The following FUOM variants were observed in gnomAD, a reference collection of about 807,000 sequenced individuals.
FUOM encodes the protein fucose mutarotase.
In FUOM, 19 loss-of-function variants were observed where a neutral mutation model predicts 18.3. That is an observed-to-expected ratio of 1.04 (90% confidence interval 0.73 to 1.53). The LOEUF (loss-of-function observed/expected upper bound fraction) is 1.53. FUOM is among the 40% of genes most tolerant of loss of function. The probability of loss-of-function intolerance (pLI) is 0.00; values close to 1 mark genes in which losing one functional copy is unlikely to be tolerated. For synonymous variants in FUOM, 102 were observed against 87.9 expected, an observed-to-expected ratio of 1.16 and a Z score of -0.90; for missense variants, 210 against 200.9, an observed-to-expected ratio of 1.04 and a Z score of -0.27.
In FUOM at chr10:133,355,387, G is replaced by C; in HGVS notation, c.448C>G (p.Leu150Val). ...CACCAGGCCTACAGCAGGGGGTTGA[G>C]GGCAAGCACCCCCTTCCTGAGGATG... ...NLILRKGVLA[L>V]NPLL Residue 150 changes from leucine to valine, a missense_variant, in exon 6 of 6, where the codon CTC (leucine) becomes GTC (valine). Transcript: ENST00000278025. 1 of 1,607,548 alleles carries C rather than the reference G, an allele frequency of 6.2e-7. No individual in the cohort carries two copies. Among genetic ancestry groups the C allele is most frequent in the South Asian group, 1.1e-5 (1 of 90,384 alleles).
intron 4 of FUOM, among the ~76,000 whole-genome samples, chr10:133,356,375 G>T (rs922326050): frequency 2.0e-5 from 3 of 152,220 alleles, no homozygotes; most frequent in African/African-American, 7.2e-5. Flanking sequence ...GGCTGTGGTG[G>T]GTGACAACCC....
downstream of FUOM, among the ~76,000 whole-genome samples, chr10:133,354,631 A>T (rs1341023525): frequency 6.6e-6 from 1 of 152,032 alleles, no homozygotes; most frequent in African/African-American, 2.4e-5. Flanking sequence ...ATCCTTGGGG[A>T]CCAGTCCAAG....
chr10:133,355,559 T>G, intron 5 of FUOM, 123 bp from the exon 6 acceptor site: 1 of 1,609,624 alleles, frequency 6.2e-7, no homozygotes, highest in East Asian at 2.2e-5. Context: ...CTCAGGCAAA[T>G]GGGGGCCCTG....
chr10:133,355,431 G>C lies in FUOM; in HGVS notation c.404C>G (p.Thr135Arg), dbSNP rs184108406. The change falls in exon 6 of 6, where the codon ACG becomes AGG. Residue 135 changes from threonine (T) to arginine (R), a missense_variant. Physicochemically the swap from Thr to Arg is moderately conservative, Grantham distance 71. Coordinates refer to ENST00000278025, the MANE Select transcript of FUOM (RefSeq NM_001098483.3). ...GAGGATGAGGTTTCCGTAGAGGGCCGTCTCCCTGCAGAGGAGCCAAGCCCA... is the reference window on the plus strand; with the variant it reads ...GAGGATGAGGTTTCCGTAGAGGGCCCTCTCCCTGCAGAGGAGCCAAGCCCA... ...KAFAVVATGE[T>R]ALYGNLILRK... 6 of 1,609,930 alleles carry C rather than the reference G, an allele frequency of 3.7e-6. No individual in the cohort carries two copies. Among genetic ancestry groups the C allele is most frequent in the Non-Finnish European group, 5.1e-6 (6 of 1,179,008 alleles).
chr10:133,356,419 C>G (rs1848800145), intron 4 of FUOM, among the ~76,000 whole-genome samples: 1 of 152,200 alleles, frequency 6.6e-6, no homozygotes. Flanking sequence ...CGGGGCAGGG[C>G]AGGTGGAAAG....
chr10:133,355,650 G>A (rs1438973146), intron 5 of FUOM, 88 bp downstream of exon 5: 2 of 1,549,272 alleles, frequency 1.3e-6, no homozygotes, highest in Non-Finnish European at 8.9e-7. Context: ...AGAGGGTAGG[G>A]GCAGCTCCTG....
At chr10:133,354,462 ACCAGCC>A (rs569007124), downstream of FUOM, among the ~76,000 whole-genome samples, 254 of 152,192 alleles carry the variant, frequency 1.7e-3, 1 homozygote, top group South Asian at 2.9e-3. Context: ...CCCCGGGGAC[ACCAGCC>A]CCAGGCCCTG....
chr10:133,357,207 G>C lies in FUOM; in HGVS notation c.134C>G (p.Pro45Arg), dbSNP rs1269165290. ...CTCACCGTCTGCACGGATCTCCATG[G>C]GCCCACACTGGCAGATGGAGGAGGC... is the stretch of plus-strand genomic sequence containing the variant. ...FPASSICQCG[P>R]MEIRADGLGI... Residue 45 changes from proline (P) to arginine (R), a missense_variant, in exon 2 of 6, where the codon CCC becomes CGC. By Grantham distance (103) the Pro-to-Arg change is moderately radical. Coordinates refer to ENST00000278025, the MANE Select transcript of FUOM (RefSeq NM_001098483.3). 1 of 1,581,310 alleles carries C rather than the reference G, an allele frequency of 6.3e-7. No individual in the cohort carries two copies. The highest frequency in any genetic ancestry group is 8.6e-7 in the Non-Finnish European group (1 of 1,164,928).
Position 133,355,273 on chromosome 10 carries a change from G to C in FUOM, c.*97C>G. The stretch of plus-strand genomic sequence containing the variant: ...CCCTAGAGCCCTGGCCAGGGCCCAG[G>C]TCTGGGAGCTGCCACTGGGAGGCCT... On this transcript the variant is annotated 3_prime_UTR_variant, in exon 6 of 6. Transcript: ENST00000278025. The C allele has an allele frequency of 7.1e-7, 1 of 1,410,744 alleles. No individual in the cohort carries two copies. The highest frequency in any genetic ancestry group is 9.5e-7 in the Non-Finnish European group (1 of 1,050,558). 87.4% of individuals were successfully genotyped at this position (1,410,744 alleles called of 1,614,324 possible).
chr10:133,355,675 G>A, intron 5 of FUOM, 63 bp downstream of exon 5: 1 of 1,558,194 alleles, frequency 6.4e-7, no homozygotes, highest in East Asian at 2.2e-5. Context: ...CCCCCGGTGG[G>A]GATGGGGGCA....
downstream of FUOM, among the ~76,000 whole-genome samples, chr10:133,354,765 G>A (rs1161686976): frequency 6.6e-6 from 1 of 150,844 alleles, no homozygotes; most frequent in East Asian, 1.9e-4. Context: ...GGCAAGTGAG[G>A]CTTTCAGCGG....
Position 133,355,272 on chromosome 10 carries a change from G to A in FUOM, c.*98C>T. The A allele has an allele frequency of 7.1e-7, 1 of 1,413,506 alleles. No individual in the cohort carries two copies. The highest frequency in any genetic ancestry group is 9.5e-7 in the Non-Finnish European group (1 of 1,053,872). The allele number at this position is 1,413,506 out of a possible 1,614,324, so 87.6% of individuals were successfully genotyped here. ...CCCCTAGAGCCCTGGCCAGGGCCCA[G>A]GTCTGGGAGCTGCCACTGGGAGGCC... is the stretch of plus-strand genomic sequence containing the variant. On this transcript the variant is annotated 3_prime_UTR_variant, in exon 6 of 6. Coordinates refer to ENST00000278025, the MANE Select transcript of FUOM (RefSeq NM_001098483.3).
chr10:133,356,788 G>A, intron 3 of FUOM, 50 bp from the exon 4 acceptor site: 1 of 1,482,090 alleles, frequency 6.7e-7, no homozygotes, highest in Non-Finnish European at 9.1e-7. Context: ...AGCCTTCCTG[G>A]TCAGGTGACC....
Position 133,356,648 on chromosome 10 carries a change from C to A in FUOM, c.316G>T (p.Gly106Cys). Residue 106 changes from glycine (G) to cysteine (C), a missense_variant, in exon 4 of 6, where the codon GGC becomes TGC. Coordinates refer to ENST00000278025, the MANE Select transcript of FUOM (RefSeq NM_001098483.3). ...TEYESILRRA[G>C]CVRALAKIER... ...TGGGGCTGCAGGCTTACCACACAGC[C>A]GGCCCTGCGTAGGATGGACTCGTAC... 6.3e-7 allele frequency: 1 copy of A among 1,574,886 alleles called. No individual in the cohort carries two copies. The highest frequency in any genetic ancestry group is 1.8e-5 in the Admixed American group (1 of 55,362).
In FUOM at chr10:133,357,367, A is replaced by G. The variant is rs1202502848; in HGVS notation, c.86-112T>C. 4.5e-6 allele frequency: 5 copies of G among 1,102,972 alleles called. No homozygotes were observed. The African/African-American group carries it at 4.6e-5, about 10-fold the overall frequency. The allele number at this position is 1,102,972 out of a possible 1,614,324, so 68.3% of individuals were successfully genotyped here. On this transcript the variant is annotated intron_variant, in intron 1 of 5. Transcript: ENST00000278025. ...CAGATCGTGGGTCACAAGAGGTCTC[A>G]GGTCAGCCAGTTGGGCGCCCCCACC...
At chr10:133,354,233 C>T (rs1390495241), downstream of FUOM, among the ~76,000 whole-genome samples, 1 of 152,166 alleles carries the variant, frequency 6.6e-6, no homozygotes, top group Non-Finnish European at 1.5e-5. Context: ...GTGCGAGGCC[C>T]CTGGGGCCAA....
intron 2 of FUOM, 57 bp downstream of exon 2, chr10:133,357,130 A>T (rs565281045): frequency 1.3e-6 from 2 of 1,544,256 alleles, no homozygotes; most frequent in African/African-American, 1.4e-5. Flanking sequence ...GGAGCCTCAG[A>T]GCCAGGAGCA....
downstream of FUOM, among the ~76,000 whole-genome samples, chr10:133,354,573 G>A (rs913830961): frequency 6.6e-6 from 1 of 152,120 alleles, no homozygotes; most frequent in African/African-American, 2.4e-5. Context: ...AGCAAGTTCT[G>A]GGGAGCAAGA....
Position 133,355,187 on chromosome 10 carries a change from T to C in FUOM, c.*183A>G, listed in dbSNP as rs1454389560. On this transcript the variant is annotated 3_prime_UTR_variant, in exon 6 of 6. Transcript: ENST00000278025. ...ACTCTTGAGACTGAACGTTTTTCCA[T>C]CATTTTCACAAATCAGGGATACTCG... The C allele has an allele frequency of 9.4e-6, 6 of 641,036 alleles. No homozygotes were observed. Among genetic ancestry groups the C allele is most frequent in the Non-Finnish European group, 1.1e-5 (4 of 375,356 alleles). The allele number at this position is 641,036 out of a possible 1,614,324, so 39.7% of individuals were successfully genotyped here. A position where few individuals can be genotyped will look rare whatever the true frequency, so the allele number is the denominator to read the frequency against.
Sources: gnomAD v4.1 joint callset for allele counts (sites outside exome capture counted in the v4.1 genomes callset) on GRCh38, gnomAD v4.1.1 for gene constraint, MANE v1.5 for transcripts, NCBI Gene and HGNC (gene_info 2026-07-23, HGNC 2026-07-21) for gene names.